PCDHA7: variants seen among roughly 807,000 people sequenced by gnomAD.
PCDHA7 encodes protocadherin alpha-7.
PCDHA7 carries 37 observed loss-of-function variants against 57.2 expected under a neutral mutation model. That is an observed-to-expected ratio of 0.65 (90% confidence interval 0.50 to 0.85). The LOEUF is 0.85. Ranked by LOEUF, PCDHA7 falls within the 40% of genes least tolerant of loss-of-function variation. The pLI is 0.00. For synonymous variants in PCDHA7, 553 were observed against 558.8 expected (o/e 0.99, Z 0.15); for missense variants, 1,188 against 1,241.8 (o/e 0.96, Z 0.65).
chr5:140,852,464 G>A (rs2042343085), intron 1 of PCDHA7: 1 of 189,256 alleles, frequency 5.3e-6, no homozygotes, highest in Non-Finnish European at 1.1e-5. Context: ...TTTTAGTAGA[G>A]ATGGGGTTTC....
At chr5:140,870,135 T>C (rs781798788) in intron 1 of PCDHA7, 1 of 1,614,000 alleles carries the variant, frequency 6.2e-7, no homozygotes, top group Non-Finnish European at 8.5e-7. Context: ...ACACCAACGA[T>C]AACTCTCCTG....
At chr5:140,852,213 T>C (rs1221806389) in intron 1 of PCDHA7, 1 of 646,494 alleles carries the variant, frequency 1.5e-6, no homozygotes, top group Non-Finnish European at 2.0e-6. Flanking sequence ...TAAAACAAAA[T>C]ATTTTAATTT....
At chr5:140,902,102 G>A (rs1407664200) in intron 1 of PCDHA7, among the ~76,000 whole-genome samples, 1 of 151,098 alleles carries the variant, frequency 6.6e-6, no homozygotes, top group African/African-American at 2.4e-5. Context: ...GGAGTCTTTA[G>A]ATTTTTTTAA....
intron 3 of PCDHA7, among the ~76,000 whole-genome samples, chr5:141,005,089 A>G (rs1554259886): frequency 6.6e-6 from 1 of 152,244 alleles, no homozygotes; most frequent in East Asian, 1.9e-4. Context: ...TTAGTACTTT[A>G]CATGCATTAC....
intron 1 of PCDHA7, chr5:140,857,755 T>A: frequency 6.3e-7 from 1 of 1,597,184 alleles, no homozygotes; most frequent in Non-Finnish European, 8.6e-7. Flanking sequence ...CGTCTCCCGC[T>A]GGCAGCGCGG....
chr5:140,931,544 A>G (rs1276156656), intron 1 of PCDHA7, among the ~76,000 whole-genome samples: 1 of 152,048 alleles, frequency 6.6e-6, no homozygotes, highest in Non-Finnish European at 1.5e-5. Context: ...TATACTGTTC[A>G]TATGTGCAGG....
chr5:140,874,607 T>C (rs534439802), intron 1 of PCDHA7, among the ~76,000 whole-genome samples: 1 of 152,226 alleles, frequency 6.6e-6, no homozygotes, highest in Non-Finnish European at 1.5e-5. Context: ...TTTGGAGGCT[T>C]CAACTAAACA....
intron 1 of PCDHA7, among the ~76,000 whole-genome samples, chr5:140,885,900 C>G (rs1387318205): frequency 6.6e-6 from 1 of 152,120 alleles, no homozygotes; most frequent in Non-Finnish European, 1.5e-5. Flanking sequence ...GAAAAGTTCT[C>G]TGTACCTTAT....
At chr5:140,885,174 A>G (rs568198348) in intron 1 of PCDHA7, among the ~76,000 whole-genome samples, 11 of 152,108 alleles carry the variant, frequency 7.2e-5, no homozygotes, top group African/African-American at 2.6e-4. Context: ...TTTGTCCTCT[A>G]GGCACATCAG....
intron 1 of PCDHA7, among the ~76,000 whole-genome samples, chr5:140,913,431 C>G (rs1554195920): frequency 6.6e-6 from 1 of 152,036 alleles, no homozygotes; most frequent in African/African-American, 2.4e-5. Flanking sequence ...AGTTGTAATG[C>G]CTCCTTTTTC....
chr5:141,003,411 G>A (rs537266386), intron 3 of PCDHA7, among the ~76,000 whole-genome samples: 4 of 152,092 alleles, frequency 2.6e-5, no homozygotes, highest in Non-Finnish European at 4.4e-5. Context: ...TCCCGGGTTC[G>A]AGTGATTCTT....
chr5:140,951,959 A>C (rs2094664205), intron 1 of PCDHA7, among the ~76,000 whole-genome samples: 1 of 152,202 alleles, frequency 6.6e-6, no homozygotes, highest in Admixed American at 6.5e-5. Context: ...GGCATTGGGT[A>C]AATACTCCTG....
At chr5:140,882,096 T>A in intron 1 of PCDHA7, 1 of 1,224,746 alleles carries the variant, frequency 8.2e-7, no homozygotes, top group Non-Finnish European at 1.1e-6. Flanking sequence ...ACTGAGAACG[T>A]TTCCGCGAAG....
chr5:141,010,201 C>A lies in PCDHA7; in HGVS notation c.*264C>A, dbSNP rs782495760. On this transcript the variant is annotated 3_prime_UTR_variant, in exon 4 of 4. Transcript: ENST00000525929. ...GCAGACCCAAGTTTCCTTTCTCCTC[C>A]GCCGCAAAGGAGAGGCTTCCCAGCC... 5.0e-5 allele frequency: 77 copies of A among 1,551,916 alleles called. No individual in the cohort carries two copies. The highest frequency in any genetic ancestry group is 6.1e-5 in the Non-Finnish European group (70 of 1,147,084).
At chr5:141,003,368 G>C (rs2098121009) in intron 3 of PCDHA7, among the ~76,000 whole-genome samples, 1 of 152,190 alleles carries the variant, frequency 6.6e-6, no homozygotes, top group Non-Finnish European at 1.5e-5. Flanking sequence ...CTGGAGTGCA[G>C]TGGTGCAATC....
At chr5:140,922,427 G>A (rs1407931624) in intron 1 of PCDHA7, among the ~76,000 whole-genome samples, 2 of 152,212 alleles carry the variant, frequency 1.3e-5, no homozygotes, top group Middle Eastern at 3.4e-3. Context: ...AGAGGCTGAG[G>A]GCAGAACTCT....
intron 1 of PCDHA7, among the ~76,000 whole-genome samples, chr5:140,944,520 T>G (rs1554216391): frequency 6.6e-6 from 1 of 152,140 alleles, no homozygotes; most frequent in Non-Finnish European, 1.5e-5. Flanking sequence ...TATTTTGTGC[T>G]TTAAATGATT....
intron 1 of PCDHA7, among the ~76,000 whole-genome samples, chr5:140,906,729 G>T (rs1444256364): frequency 1.3e-5 from 2 of 152,184 alleles, no homozygotes; most frequent in Admixed American, 1.3e-4. Flanking sequence ...TGCTGTTGTA[G>T]TTTCCCATTG....
chr5:140,847,482 A>G (rs1283020613), intron 1 of PCDHA7: 1 of 149,956 alleles, frequency 6.7e-6, no homozygotes, highest in Non-Finnish European at 1.5e-5. Flanking sequence ...TTGGAATAAG[A>G]TAGTAAAACT....
Sources: allele counts gnomAD v4.1 joint callset (sites outside exome capture counted in the v4.1 genomes callset), GRCh38; gene constraint gnomAD v4.1.1; transcripts MANE v1.5; gene names NCBI Gene and HGNC (gene_info 2026-07-23, HGNC 2026-07-21).